Variants in STPG2 observed in about 807,000 individuals in gnomAD.
The protein encoded by STPG2 is sperm tail PG-rich repeat containing 2, also known as sperm-tail PG-rich repeat-containing protein 2.
STPG2 carries 56 observed loss-of-function variants against 54.2 expected under a neutral mutation model. The observed-to-expected ratio is 1.03, with a 90% CI of 0.83 to 1.29. STPG2 has a LOEUF of 1.29. Ranked by LOEUF, STPG2 falls within the 50% of genes most tolerant of loss-of-function variation. The probability of loss-of-function intolerance (pLI) is 0.00; values close to 1 mark genes in which losing one functional copy is unlikely to be tolerated. For synonymous variants in STPG2, 200 were observed against 181.8 expected (o/e 1.10, Z -0.81); for missense variants, 596 against 544.9 (o/e 1.09, Z -0.93).
At chr4:97,495,422 C>T (rs1056459103) in intron 4 of STPG2, among the ~76,000 whole-genome samples, 2 of 151,358 alleles carry the variant, frequency 1.3e-5, no homozygotes, top group Non-Finnish European at 3.0e-5. Context: ...AAACCACCCA[C>T]ACAAAGTTTT....
At position 97,611,209 on chromosome 4, in the gene STPG2, G is replaced by GT. The variant is rs1209309210; in HGVS notation, c.1321-52093_1321-52092insA. ...ATTCATTCTGTGTTACCTACTAGGT[G>GT]CTGATAGGCTGCTAGGCACTAATAA... On this transcript the variant is annotated intron_variant, in intron 10 of 10. Transcript: ENST00000295268. Among the ~76,000 whole-genome samples, 23 of 151,686 alleles carry GT rather than the reference G, an allele frequency of 1.5e-4. 1 individual carries two copies. In the Admixed American group the frequency reaches 1.5e-3, roughly 10 times the overall value.
intron 5 of STPG2, among the ~76,000 whole-genome samples, chr4:98,014,246 G>A (rs935526510): frequency 6.6e-6 from 1 of 152,138 alleles, no homozygotes; most frequent in Non-Finnish European, 1.5e-5. Context: ...TCATTCAGGA[G>A]CAGGTTGTTC....
chr4:97,615,625 T>C (rs973368822), intron 10 of STPG2, among the ~76,000 whole-genome samples: 3 of 152,038 alleles, frequency 2.0e-5, no homozygotes, highest in Non-Finnish European at 4.4e-5. Context: ...GTACATGATA[T>C]GATAGATACA....
chr4:97,696,076 G>A (rs1005262792), intron 10 of STPG2, among the ~76,000 whole-genome samples: 2 of 151,884 alleles, frequency 1.3e-5, no homozygotes, highest in Non-Finnish European at 2.9e-5. Context: ...TAAGCAAAAA[G>A]AACAAATCTG....
chr4:97,926,912 T>C (rs1453243017), intron 8 of STPG2, among the ~76,000 whole-genome samples: 8 of 152,066 alleles, frequency 5.3e-5, no homozygotes, highest in Admixed American at 3.9e-4. Context: ...TATAGCCTAC[T>C]ATAGGCAACA....
chr4:97,761,682 T>G (rs1007430201), intron 9 of STPG2, among the ~76,000 whole-genome samples: 1 of 152,136 alleles, frequency 6.6e-6, no homozygotes, highest in Non-Finnish European at 1.5e-5. Flanking sequence ...CCTGCCATAG[T>G]CAGTGGGAGA....
intron 4 of STPG2, among the ~76,000 whole-genome samples, chr4:97,527,497 C>T (rs771242247): frequency 5.9e-5 from 9 of 151,746 alleles, no homozygotes; most frequent in Admixed American, 1.3e-4. Context: ...ATGATATATC[C>T]TTTGATTATA....
intron 10 of STPG2, among the ~76,000 whole-genome samples, chr4:97,677,857 T>G (rs1560714532): frequency 6.6e-6 from 1 of 152,186 alleles, no homozygotes; most frequent in African/African-American, 2.4e-5. Flanking sequence ...TTTCTATAGT[T>G]ACTTTTATCT....
At chr4:97,707,512 C>A (rs1386457809) in intron 10 of STPG2, among the ~76,000 whole-genome samples, 1 of 151,760 alleles carries the variant, frequency 6.6e-6, no homozygotes, top group Admixed American at 6.6e-5. Flanking sequence ...CAGAGTGAGA[C>A]CCTGTCTCAA....
At chr4:97,647,028 G>A (rs966965694) in intron 10 of STPG2, among the ~76,000 whole-genome samples, 7 of 152,024 alleles carry the variant, frequency 4.6e-5, no homozygotes, top group African/African-American at 1.7e-4. Flanking sequence ...AATAGCAATG[G>A]CATGTAAATA....
chr4:97,794,746 GT>G (rs1262638804), intron 9 of STPG2, among the ~76,000 whole-genome samples: 2 of 152,058 alleles, frequency 1.3e-5, no homozygotes, highest in African/African-American at 4.8e-5. Context: ...TGTTCCAAGT[GT>G]TTGATTTTTA....
At chr4:97,827,006 C>T (rs532452278) in intron 9 of STPG2, among the ~76,000 whole-genome samples, 15 of 152,202 alleles carry the variant, frequency 9.9e-5, no homozygotes, top group South Asian at 2.1e-4. Flanking sequence ...GACAGGTGAT[C>T]CTGAATGCAG....
At chr4:98,022,421 C>T (rs931309582) in intron 5 of STPG2, among the ~76,000 whole-genome samples, 9 of 152,156 alleles carry the variant, frequency 5.9e-5, no homozygotes, top group East Asian at 1.9e-4. Flanking sequence ...TTGTGGGTAA[C>T]GTGACCTTTC....
chr4:97,624,299 C>T (rs1578432764), intron 10 of STPG2, among the ~76,000 whole-genome samples: 1 of 152,016 alleles, frequency 6.6e-6, no homozygotes, highest in African/African-American at 2.4e-5. Context: ...TTGGCAGTAT[C>T]TGTTGTTTCC....
At chr4:97,880,709 CT>C (rs1730337974) in intron 8 of STPG2, among the ~76,000 whole-genome samples, 1 of 152,134 alleles carries the variant, frequency 6.6e-6, no homozygotes, top group Non-Finnish European at 1.5e-5. Flanking sequence ...CTAAAGAACA[CT>C]TTTTTTCCTG....
intron 9 of STPG2, among the ~76,000 whole-genome samples, chr4:97,809,956 TG>T (rs1727685266): frequency 6.6e-6 from 1 of 152,160 alleles, no homozygotes; most frequent in African/African-American, 2.4e-5. Flanking sequence ...ACAATTGTAA[TG>T]TATGATGCTA....
At chr4:97,588,360 G>A (rs17026828) in intron 10 of STPG2, among the ~76,000 whole-genome samples, 20,183 of 152,024 alleles carry the variant, frequency 0.13, 4,129 homozygotes, top group African/African-American at 0.44. Context: ...CAAGGCAGAT[G>A]TATTTTGCTT....
intron 9 of STPG2, among the ~76,000 whole-genome samples, chr4:97,807,355 T>C (rs965431394): frequency 5.3e-5 from 8 of 152,134 alleles, no homozygotes; most frequent in African/African-American, 1.9e-4. Flanking sequence ...ATATGCTTAT[T>C]TTACTTCCTT....
At chr4:98,092,361 G>A (rs114558441) in intron 5 of STPG2, among the ~76,000 whole-genome samples, 2,412 of 152,076 alleles carry the variant, frequency 0.016, 19 homozygotes, top group Non-Finnish European at 0.024. Context: ...GGGGAAAAGC[G>A]TGTTTAATTA....
Sources: gnomAD v4.1 joint callset for allele counts (sites outside exome capture counted in the v4.1 genomes callset) on GRCh38, gnomAD v4.1.1 for gene constraint, MANE v1.5 for transcripts, NCBI Gene and HGNC (gene_info 2026-07-23, HGNC 2026-07-21) for gene names.